Variants in RTN4 observed in about 807,000 individuals in gnomAD.
The protein encoded by RTN4 is reticulon 4.
RTN4 carries 32 observed loss-of-function variants against 90.4 expected under a neutral mutation model. The ratio of observed to expected loss-of-function variants is 0.35; its 90% CI spans 0.27 to 0.48. The LOEUF is 0.48. Ranked by LOEUF, RTN4 falls within the 20% of genes least tolerant of loss-of-function variation. RTN4 has a pLI of 0.99. For synonymous variants in RTN4, 629 were observed against 552.5 expected (o/e 1.14, Z -1.94); for missense variants, 1,706 against 1,430.2 (o/e 1.19, Z -3.11).
intron 1 of RTN4, among the ~76,000 whole-genome samples, chr2:55,084,789 G>A (rs1198485675): frequency 6.6e-6 from 1 of 152,104 alleles, no homozygotes; most frequent in African/African-American, 2.4e-5. Flanking sequence ...AAACATCTGT[G>A]TTGTTGCTGT....
At chr2:54,985,589 T>C (rs1416214796) in intron 4 of RTN4, among the ~76,000 whole-genome samples, 1 of 152,190 alleles carries the variant, frequency 6.6e-6, no homozygotes, top group Admixed American at 6.5e-5. Context: ...TATTAAAATA[T>C]GTACATAAAA....
rs2104864184 is a variant in RTN4 at position 55,026,052 on chromosome 2, T to C, written c.2047A>G (p.Ile683Val). 1 of 1,610,954 alleles carries C rather than the reference T, an allele frequency of 6.2e-7. No individual in the cohort carries two copies. Among genetic ancestry groups the C allele is most frequent in the Non-Finnish European group, 8.5e-7 (1 of 1,179,246 alleles). The change falls in exon 3 of 9, where the codon ATT becomes GTT. Residue 683 changes from isoleucine to valine, a missense_variant. Ile to Val is a conservative substitution (Grantham distance 29, BLOSUM62 3). Coordinates refer to ENST00000337526, the MANE Select transcript of RTN4 (RefSeq NM_020532.5). ...IKEEIKEPEN[I>V]NAALQETEAP... ...TCTGTTTCTTGAAGAGCTGCATTAA[T>C]ATTTTCAGGCTCTTTAATTTCTTCC...
intron 2 of RTN4, among the ~76,000 whole-genome samples, chr2:55,069,941 G>A (rs532467153): frequency 6.6e-6 from 1 of 152,306 alleles, no homozygotes; most frequent in South Asian, 2.1e-4. Flanking sequence ...GAGAAGGGAT[G>A]AAGAATTAAG....
At chr2:54,991,294 C>T (rs1044338285) in intron 3 of RTN4, among the ~76,000 whole-genome samples, 2 of 152,180 alleles carry the variant, frequency 1.3e-5, no homozygotes, top group African/African-American at 4.8e-5. Flanking sequence ...CACTGTACAA[C>T]ATAAATTAAT....
At chr2:55,092,265 C>T (rs1266994981) in intron 1 of RTN4, among the ~76,000 whole-genome samples, 4 of 145,470 alleles carry the variant, frequency 2.7e-5, no homozygotes, top group Non-Finnish European at 6.0e-5. Flanking sequence ...GTTGGAGTTT[C>T]CCTCTTGTTG....
chr2:55,076,337 A>T (rs1000276558), intron 2 of RTN4, among the ~76,000 whole-genome samples: 2 of 151,498 alleles, frequency 1.3e-5, no homozygotes, highest in Non-Finnish European at 2.9e-5. Flanking sequence ...AAAATGCTCA[A>T]CATCACTACT....
chr2:55,008,945 T>C (rs919031455), intron 3 of RTN4, among the ~76,000 whole-genome samples: 2 of 152,168 alleles, frequency 1.3e-5, no homozygotes, highest in African/African-American at 4.8e-5. Context: ...TCTCTTTAAA[T>C]TCACATGTAA....
chr2:55,097,741 A>T (rs1039949858), intron 1 of RTN4, among the ~76,000 whole-genome samples: 2 of 152,112 alleles, frequency 1.3e-5, no homozygotes, highest in African/African-American at 4.8e-5. Flanking sequence ...GAACATGTTG[A>T]CTTTGAAGTG....
At chr2:55,070,433 C>A (rs1573496660) in intron 2 of RTN4, among the ~76,000 whole-genome samples, 1 of 151,210 alleles carries the variant, frequency 6.6e-6, no homozygotes, top group East Asian at 2.0e-4. Context: ...GTAGTCCCAG[C>A]TACTCAGCAG....
chr2:55,057,393 T>C (rs779714464), intron 2 of RTN4, among the ~76,000 whole-genome samples: 5 of 152,312 alleles, frequency 3.3e-5, no homozygotes, highest in Non-Finnish European at 5.9e-5. Flanking sequence ...ATGGGAACCA[T>C]AGGACACAGG....
intron 3 of RTN4, among the ~76,000 whole-genome samples, chr2:55,005,193 C>T (rs1680124330): frequency 6.6e-6 from 1 of 152,088 alleles, no homozygotes; most frequent in Admixed American, 6.6e-5. Flanking sequence ...AAAGGAAAAT[C>T]CCTTAAGTGC....
At chr2:55,086,893 C>T (rs915669062) in intron 1 of RTN4, among the ~76,000 whole-genome samples, 7 of 150,120 alleles carry the variant, frequency 4.7e-5, no homozygotes, top group African/African-American at 7.4e-5. Context: ...CTCCTGGCCT[C>T]AAGCGATCCT....
intron 5 of RTN4, among the ~76,000 whole-genome samples, chr2:54,978,891 T>C (rs1023402560): frequency 6.6e-6 from 1 of 152,090 alleles, no homozygotes; most frequent in Non-Finnish European, 1.5e-5. Flanking sequence ...GTAAATACAT[T>C]TTTCCTTATG....
chr2:54,976,600 G>C (rs1364645799), intron 5 of RTN4, among the ~76,000 whole-genome samples: 1 of 152,174 alleles, frequency 6.6e-6, no homozygotes, highest in Non-Finnish European at 1.5e-5. Context: ...GCTATGTTGA[G>C]AAAACTGAAT....
intron 2 of RTN4, among the ~76,000 whole-genome samples, chr2:55,070,545 CAAAAA>C (rs747838297): frequency 3.0e-5 from 2 of 67,330 alleles, no homozygotes; most frequent in African/African-American, 1.1e-4. Flanking sequence ...GACTCTGTCT[CAAAAA>C]AAAAAAAAAA....
intron 2 of RTN4, among the ~76,000 whole-genome samples, chr2:55,079,730 GTTCTGGACT>G (rs1359604021): frequency 1.3e-5 from 2 of 152,196 alleles, no homozygotes; most frequent in East Asian, 1.9e-4. Flanking sequence ...TGGGGCAACA[GTTCTGGACT>G]CTCCTACATA....
At chr2:54,984,819 T>C (rs1678418838) in intron 4 of RTN4, among the ~76,000 whole-genome samples, 1 of 152,198 alleles carries the variant, frequency 6.6e-6, no homozygotes, top group African/African-American at 2.4e-5. Context: ...ATATAAAGTG[T>C]TTCTAGCCAG....
chr2:55,002,952 T>C (rs1424310974), intron 3 of RTN4, among the ~76,000 whole-genome samples: 1 of 152,208 alleles, frequency 6.6e-6, no homozygotes, highest in Non-Finnish European at 1.5e-5. Flanking sequence ...TAATTTACTA[T>C]AGTTTAAATT....
intron 2 of RTN4, among the ~76,000 whole-genome samples, chr2:55,068,712 T>A (rs1423984623): frequency 6.6e-6 from 1 of 151,254 alleles, no homozygotes; most frequent in Non-Finnish European, 1.5e-5. Context: ...GGCTTGCAGC[T>A]CAAATAATTG....
Sources: allele counts gnomAD v4.1 joint callset (sites outside exome capture counted in the v4.1 genomes callset), GRCh38; gene constraint gnomAD v4.1.1; transcripts MANE v1.5; gene names NCBI Gene and HGNC (gene_info 2026-07-23, HGNC 2026-07-21).